Variants in EIF3G observed in about 807,000 individuals in gnomAD.
The protein encoded by EIF3G is eukaryotic translation initiation factor 3 subunit G.
EIF3G carries 10 observed loss-of-function variants against 41.7 expected under a neutral mutation model. The ratio of observed to expected loss-of-function variants is 0.24; its 90% CI spans 0.15 to 0.41. The LOEUF (loss-of-function observed/expected upper bound fraction) is 0.41, where lower values mean the gene tolerates loss of function less well. Ranked by LOEUF, EIF3G falls within the 10% of genes least tolerant of loss-of-function variation. The probability of loss-of-function intolerance (pLI) is 1.00; values close to 1 mark genes in which losing one functional copy is unlikely to be tolerated. For synonymous variants in EIF3G, 204 were observed against 172.5 expected, an observed-to-expected ratio of 1.18 and a Z score of -1.43; for missense variants, 297 against 444.0, an observed-to-expected ratio of 0.67 and a Z score of 2.98.
At position 10,116,508 on chromosome 19, in the gene EIF3G, C is replaced by T. The variant is rs1325930355; in HGVS notation, c.595+292G>A. ...ACAGGCATGCAACGGAGACACTATA[C>T]ACACAGTGCGCACACACGATGTGGG... On this transcript the variant is annotated intron_variant, in intron 7 of 10. Coordinates refer to ENST00000253108, the MANE Select transcript of EIF3G (RefSeq NM_003755.5). This position sits in a 1 kb window ranked among gnomAD's most constrained non-coding sequence, Gnocchi z 4.1. 1.2e-5 allele frequency: 6 copies of T among 515,848 alleles called. No homozygotes were observed. Among genetic ancestry groups the T allele is most frequent in the East Asian group, 9.7e-5 (3 of 31,056 alleles). The allele number at this position is 515,848 out of a possible 1,614,324, so 32.0% of individuals were successfully genotyped here.
Position 10,116,374 on chromosome 19 carries a change from C to A in EIF3G, c.596-300G>T. 1 of 533,812 alleles carries A rather than the reference C, an allele frequency of 1.9e-6. No individual in the cohort carries two copies. Among genetic ancestry groups the A allele is most frequent in the Non-Finnish European group, 3.4e-6 (1 of 297,386 alleles). 33.1% of individuals were successfully genotyped at this position (533,812 alleles called of 1,614,324 possible). On this transcript the variant is annotated intron_variant, in intron 7 of 10. Coordinates refer to ENST00000253108, the MANE Select transcript of EIF3G (RefSeq NM_003755.5). The surrounding 1 kb of genome is among the most constrained non-coding windows in gnomAD (Gnocchi z 4.1). ...ACAGCAACGGCAGACATGGGACACA[C>A]AACAGGAACAGCGCCCAGGTCCCCC...
rs975075667 is a variant in EIF3G, at chr19:10,116,469, C to T, written c.595+331G>A. ...CACCAGCAAATCCCACCAAAGAATT[C>T]GGACGGTACAGCCACAGGCATGCAA... On this transcript the variant is annotated intron_variant, in intron 7 of 10. Transcript: ENST00000253108. This position sits in a 1 kb window ranked among gnomAD's most constrained non-coding sequence, Gnocchi z 4.1. The T allele has an allele frequency of 2.9e-5, 14 of 479,542 alleles. No homozygotes were observed. The highest frequency in any genetic ancestry group is 7.5e-5 in the Admixed American group (2 of 26,718). 29.7% of individuals were successfully genotyped at this position (479,542 alleles called of 1,614,324 possible). A position where few individuals can be genotyped will look rare whatever the true frequency, so the allele number is the denominator to read the frequency against.
Position 10,116,933 on chromosome 19 carries a change from G to T in EIF3G, c.462C>A (p.Ile154=). The change falls in exon 7 of 11, where the codon ATC becomes ATA. Residue 154 remains isoleucine (I), a synonymous_variant. Coordinates refer to ENST00000253108, the MANE Select transcript of EIF3G (RefSeq NM_003755.5). The surrounding 1 kb of genome is among the most constrained non-coding windows in gnomAD (Gnocchi z 4.1). ...CGCCCTTGCAGATGCGGCAGGACAC[G>T]ATCTTCTGGCCCTTGAGTTTGTTCA... ...DPMNKLKGQK[I]VSCRICKGDH... 1.2e-6 allele frequency: 2 copies of T among 1,613,884 alleles called. No homozygotes were observed. The highest frequency in any genetic ancestry group is 1.7e-6 in the Non-Finnish European group (2 of 1,179,898).
At position 10,119,892 on chromosome 19, in the gene EIF3G, G is replaced by C. The variant is rs748692355; in HGVS notation, c.-33C>G. 12 of 1,613,944 alleles carry C rather than the reference G, an allele frequency of 7.4e-6. No homozygotes were observed. The highest frequency in any genetic ancestry group is 2.2e-5 in the East Asian group (1 of 44,888). On this transcript the variant is annotated 5_prime_UTR_variant, in exon 1 of 11. Transcript: ENST00000253108. The stretch of plus-strand genomic sequence containing the variant: ...AGTATTCTCCACGCAGCCCAAGCCC[G>C]GCCAGAGAGCGGAAGCGGGCGAAAA...
Position 10,116,807 on chromosome 19 carries a change from C to T in EIF3G, c.588G>A (p.Leu196=). ...ACCCTCCCACCCCCACACCTCCCGG[C>T]AGCTTCTCCTTCTCGCCAGTAGACA... is the stretch of plus-strand genomic sequence containing the variant. The part of the protein sequence containing the change: ...LGLSTGEKEK[L]PGELEPVQAT... Residue 196 remains leucine, a synonymous_variant, in exon 7 of 11, where the codon CTG becomes CTA. Transcript: ENST00000253108. The surrounding 1 kb of genome is among the most constrained non-coding windows in gnomAD (Gnocchi z 4.1). 1 of 1,585,818 alleles carries T rather than the reference C, an allele frequency of 6.3e-7. No homozygotes were observed. Among genetic ancestry groups the T allele is most frequent in the Middle Eastern group, 1.9e-4 (1 of 5,138 alleles).
chr19:10,116,602 C>CA lies in EIF3G; in HGVS notation c.595+197dup, dbSNP rs2089255147. The CA allele has an allele frequency of 3.5e-6, 2 of 574,588 alleles. No individual in the cohort carries two copies. The highest frequency in any genetic ancestry group is 3.7e-5 in the African/African-American group (2 of 53,678). 35.6% of individuals were successfully genotyped at this position (574,588 alleles called of 1,614,324 possible). On this transcript the variant is annotated intron_variant, in intron 7 of 10. Coordinates refer to ENST00000253108, the MANE Select transcript of EIF3G (RefSeq NM_003755.5). The surrounding 1 kb of genome is among the most constrained non-coding windows in gnomAD (Gnocchi z 4.1). ...AGTCACAGGGCCACCAGCAAAGTCACAGCTGCCAAGTCGCACATATATGGG... is the reference window on the plus strand; with the variant it reads ...AGTCACAGGGCCACCAGCAAAGTCACAAGCTGCCAAGTCGCACATATATGGG...
At chr19:10,119,238 G>A (rs1188933660) in intron 2 of EIF3G, 67 bp from the exon 3 acceptor site, 2 of 1,509,118 alleles carry the variant, frequency 1.3e-6, no homozygotes, top group South Asian at 1.2e-5. Flanking sequence ...TGCGATGGAA[G>A]GGCTTTTGGG....
rs1286789938 is a variant in EIF3G, at chr19:10,116,060, G to T, written c.610C>A (p.Gln204Lys). 6 of 1,613,872 alleles carry T rather than the reference G, an allele frequency of 3.7e-6. No individual in the cohort carries two copies. The change falls in exon 8 of 11, where the codon CAG (glutamine) becomes AAG (lysine). Residue 204 changes from glutamine (Q) to lysine (K), a missense_variant. Gln to Lys is a moderately conservative substitution (Grantham distance 53). Coordinates refer to ENST00000253108, the MANE Select transcript of EIF3G (RefSeq NM_003755.5). The surrounding 1 kb of genome is among the most constrained non-coding windows in gnomAD (Gnocchi z 4.1). ...EKLPGELEPV[Q>K]ATQNKTGKYV... ...TTCCCTGTCTTGTTCTGCGTGGCCTGCACCGGCTCTAGCTCTGGGGACCAA... is the reference window on the plus strand; with the variant it reads ...TTCCCTGTCTTGTTCTGCGTGGCCTTCACCGGCTCTAGCTCTGGGGACCAA...
At chr19:10,119,550 A>G in intron 2 of EIF3G, 104 bp downstream of exon 2, 1 of 1,401,460 alleles carries the variant, frequency 7.1e-7, no homozygotes, top group Non-Finnish European at 9.8e-7. Context: ...GGGCAGGGGC[A>G]GACCGTGACG....
Position 10,115,376 on chromosome 19 carries a change from G to A in EIF3G, c.947+103C>T, listed in dbSNP as rs2305795. On this transcript the variant is annotated intron_variant, in intron 10 of 10. Transcript: ENST00000253108. ...AAGGACTGTCCCCTCAAAACCAGCC[G>A]GGGGACTGTTAAATTGGCTCAGGGC... 0.57 allele frequency: 765,141 copies of A among 1,335,272 alleles called. 221,100 individuals carry two copies. The highest frequency in any genetic ancestry group is 0.68 in the East Asian group (29,206 of 42,668). 82.7% of individuals were successfully genotyped at this position (1,335,272 alleles called of 1,614,324 possible).
intron 9 of EIF3G, 32 bp from the exon 10 acceptor site, chr19:10,115,617 G>GCTAGGACAGGCGACC: frequency 6.2e-7 from 1 of 1,612,278 alleles, no homozygotes; most frequent in South Asian, 1.1e-5. Flanking sequence ...TCGGGCACGA[G>GCTAGGACAGGCGACC]CTAGGACAGG....
Position 10,116,220 on chromosome 19 carries a change from A to G in EIF3G, c.596-146T>C. The G allele has an allele frequency of 1.4e-6, 1 of 727,864 alleles. No homozygotes were observed. Among genetic ancestry groups the G allele is most frequent in the Non-Finnish European group, 2.3e-6 (1 of 443,520 alleles). The allele number at this position is 727,864 out of a possible 1,614,324, so 45.1% of individuals were successfully genotyped here. ...GCAGCCAGTTGGCCACGAGGACACC[A>G]AGGTGACACCTGAGAAGCTGACACC... On this transcript the variant is annotated intron_variant, in intron 7 of 10. Coordinates refer to ENST00000253108, the MANE Select transcript of EIF3G (RefSeq NM_003755.5). The surrounding 1 kb of genome is among the most constrained non-coding windows in gnomAD (Gnocchi z 4.1).
chr19:10,116,090 C>G lies in EIF3G; in HGVS notation c.596-16G>C, dbSNP rs752442066. ...GGCTCTAGCTCTGGGGACCAAAAGACAGTCAAGTTCAACCTCACTGTGGCG... is the reference window on the plus strand; with the variant it reads ...GGCTCTAGCTCTGGGGACCAAAAGAGAGTCAAGTTCAACCTCACTGTGGCG... On this transcript the variant is annotated splice_polypyrimidine_tract_variant and intron_variant, in intron 7 of 10. Transcript: ENST00000253108. The surrounding 1 kb of genome is among the most constrained non-coding windows in gnomAD (Gnocchi z 4.1). 9.3e-6 allele frequency: 15 copies of G among 1,611,608 alleles called. No individual in the cohort carries two copies. Among genetic ancestry groups the G allele is most frequent in the Non-Finnish European group, 1.3e-5 (15 of 1,178,630 alleles).
chr19:10,115,637 G>A (rs564599932), intron 9 of EIF3G, 47 bp downstream of exon 9: 15 of 1,611,630 alleles, frequency 9.3e-6, no homozygotes, highest in South Asian at 2.2e-5. Context: ...GCGACCCTAG[G>A]ACAAGTGACC....
chr19:10,119,883 C>G lies in EIF3G; in HGVS notation c.-24G>C. The G allele has an allele frequency of 1.2e-6, 2 of 1,614,174 alleles. No homozygotes were observed. Among genetic ancestry groups the G allele is most frequent in the Non-Finnish European group, 1.7e-6 (2 of 1,180,044 alleles). ...ATCGCAAAAAGTATTCTCCACGCAG[C>G]CCAAGCCCGGCCAGAGAGCGGAAGC... On this transcript the variant is annotated 5_prime_UTR_variant, in exon 1 of 11. Coordinates refer to ENST00000253108, the MANE Select transcript of EIF3G (RefSeq NM_003755.5).
chr19:10,119,528 G>C, intron 2 of EIF3G, 126 bp downstream of exon 2: 1 of 1,284,936 alleles, frequency 7.8e-7, no homozygotes, highest in East Asian at 2.5e-5. Flanking sequence ...GGGTCCCAAG[G>C]AGGATGGCGC....
At chr19:10,115,607 T>C (rs368413797) in intron 9 of EIF3G, 22 bp from the exon 10 acceptor site, 8 of 1,610,102 alleles carry the variant, frequency 5.0e-6, no homozygotes, top group Non-Finnish European at 6.8e-6. Context: ...CGGGATGGGG[T>C]CGGGCACGAG....
Position 10,116,396 on chromosome 19 carries a change from C to G in EIF3G, c.596-322G>C. 2.0e-6 allele frequency: 1 copy of G among 507,670 alleles called. No homozygotes were observed. The highest frequency in any genetic ancestry group is 3.5e-6 in the Non-Finnish European group (1 of 282,080). The allele number at this position is 507,670 out of a possible 1,614,324, so 31.4% of individuals were successfully genotyped here. ...ACACAACAGGAACAGCGCCCAGGTC[C>G]CCCTCGCGTGGCAGGCGACAAGTGC... On this transcript the variant is annotated intron_variant, in intron 7 of 10. Transcript: ENST00000253108. This position sits in a 1 kb window ranked among gnomAD's most constrained non-coding sequence, Gnocchi z 4.1.
rs544047191 is a variant in EIF3G at position 10,117,420 on chromosome 19, T to C, written c.301-232A>G. 2.6e-5 allele frequency: 14 copies of C among 536,066 alleles called. No homozygotes were observed. In the South Asian group the frequency reaches 3.6e-4, roughly 14 times the overall value. 33.2% of individuals were successfully genotyped at this position (536,066 alleles called of 1,614,324 possible). A position where few individuals can be genotyped will look rare whatever the true frequency, so the allele number is the denominator to read the frequency against. On this transcript the variant is annotated intron_variant, in intron 5 of 10. Coordinates refer to ENST00000253108, the MANE Select transcript of EIF3G (RefSeq NM_003755.5). Reference sequence around the variant, plus strand: ...TCAGCCTCCGGGTCCAGGTGACAGCTACACAGCGTGGGGCCTGCGCAGTCT... The same window carrying C: ...TCAGCCTCCGGGTCCAGGTGACAGCCACACAGCGTGGGGCCTGCGCAGTCT...
Sources: allele counts gnomAD v4.1 joint callset, GRCh38; gene constraint gnomAD v4.1.1; non-coding constraint Gnocchi (gnomAD v3.1); transcripts MANE v1.5; gene names NCBI Gene and HGNC (gene_info 2026-07-23, HGNC 2026-07-21).